The following ASB18 variants were observed in gnomAD, a reference collection of about 807,000 sequenced individuals.
ASB18 encodes ankyrin repeat and SOCS box protein 18.
Under a neutral mutation model 33.4 loss-of-function variants are expected in ASB18, and 33 were observed. The observed-to-expected ratio is 0.99, with a 90% confidence interval of 0.75 to 1.32. The LOEUF (loss-of-function observed/expected upper bound fraction) is 1.32. Ranked by LOEUF, ASB18 falls within the 40% of genes most tolerant of loss-of-function variation. The probability of loss-of-function intolerance (pLI) is 0.00; values close to 1 mark genes in which losing one functional copy is unlikely to be tolerated. For synonymous variants in ASB18, 295 were observed against 307.6 expected, an observed-to-expected ratio of 0.96 and a Z score of 0.43; for missense variants, 694 against 655.5, an observed-to-expected ratio of 1.06 and a Z score of -0.64.
In ASB18 at chr2:236,211,426, C is replaced by T. The variant is rs936724529; in HGVS notation, c.1101+2936G>A. Among the ~76,000 whole-genome samples, 4 of 152,388 alleles carry T rather than the reference C, an allele frequency of 2.6e-5. No individual in the cohort carries two copies. The highest frequency in any genetic ancestry group is 9.6e-5 in the African/African-American group (4 of 41,596). On this transcript the variant is annotated intron_variant, in intron 4 of 5. Coordinates refer to ENST00000409749, the MANE Select transcript of ASB18 (RefSeq NM_212556.4). This position sits in a 1 kb window ranked among gnomAD's most constrained non-coding sequence, Gnocchi z 5.0. Reference sequence around the variant, plus strand: ...GATGCCCTGTGTCCGCCTGCCGCGACGATGGTGCCTTTGTCTGGGCATGGG... The same window carrying T: ...GATGCCCTGTGTCCGCCTGCCGCGATGATGGTGCCTTTGTCTGGGCATGGG...
In ASB18 at chr2:236,262,300, G is replaced by C. The variant is rs1228240468; in HGVS notation, c.205+1841C>G. On this transcript the variant is annotated intron_variant, in intron 1 of 5. Transcript: ENST00000409749. The surrounding 1 kb of genome is among the most constrained non-coding windows in gnomAD (Gnocchi z 5.2). ...CAGAAAGCAGATGGCATGAGCTCAG[G>C]GCATGCTGAAGGCAGGCCGGGTTAC... 1.3e-5 allele frequency among the ~76,000 whole-genome samples: 2 copies of C among 152,192 alleles called. No individual in the cohort carries two copies. The highest frequency in any genetic ancestry group is 2.9e-5 in the Non-Finnish European group (2 of 68,038).
At position 236,257,052 on chromosome 2, in the gene ASB18, G is replaced by A. The variant is rs1201426646; in HGVS notation, c.205+7089C>T. On this transcript the variant is annotated intron_variant, in intron 1 of 5. Coordinates refer to ENST00000409749, the MANE Select transcript of ASB18 (RefSeq NM_212556.4). The surrounding 1 kb of genome is among the most constrained non-coding windows in gnomAD (Gnocchi z 5.5). Reference sequence around the variant, plus strand: ...GATAATCTGATGTTATTGTAGGAAAGTGTATTTCTAATAAATTCCACTTGA... The same window carrying A: ...GATAATCTGATGTTATTGTAGGAAAATGTATTTCTAATAAATTCCACTTGA... 6.6e-6 allele frequency among the ~76,000 whole-genome samples: 1 copy of A among 152,232 alleles called. No individual in the cohort carries two copies. The highest frequency in any genetic ancestry group is 1.5e-5 in the Non-Finnish European group (1 of 68,044).
At position 236,213,277 on chromosome 2, in the gene ASB18, G is replaced by A. The variant is rs2106268237; in HGVS notation, c.1101+1085C>T. Among the ~76,000 whole-genome samples, 1 of 151,964 alleles carries A rather than the reference G, an allele frequency of 6.6e-6. No homozygotes were observed. The highest frequency in any genetic ancestry group is 1.9e-4 in the East Asian group (1 of 5,158). ...CAAACACTAGGGGAGTTGTCTCGGG[G>A]GATTTTCTAACCTTTCAGAGGCACA... On this transcript the variant is annotated intron_variant, in intron 4 of 5. Transcript: ENST00000409749. The surrounding 1 kb of genome is among the most constrained non-coding windows in gnomAD (Gnocchi z 4.8).
At position 236,264,048 on chromosome 2, in the gene ASB18, C is replaced by T; in HGVS notation, c.205+93G>A. 1 of 1,061,894 alleles carries T rather than the reference C, an allele frequency of 9.4e-7. No homozygotes were observed. Among genetic ancestry groups the T allele is most frequent in the Non-Finnish European group, 1.4e-6 (1 of 714,870 alleles). 65.8% of individuals were successfully genotyped at this position (1,061,894 alleles called of 1,614,324 possible). On this transcript the variant is annotated intron_variant, in intron 1 of 5. Coordinates refer to ENST00000409749, the MANE Select transcript of ASB18 (RefSeq NM_212556.4). This position sits in a 1 kb window ranked among gnomAD's most constrained non-coding sequence, Gnocchi z 5.1. ...TCCGAGTACATATCATTTACTTTTT[C>T]CAAACATTTGCCCCTCTACCTCCAG...
In ASB18 at chr2:236,220,539, C is replaced by T. The variant is rs2060505998; in HGVS notation, c.597-5673G>A. On this transcript the variant is annotated intron_variant, in intron 3 of 5. Coordinates refer to ENST00000409749, the MANE Select transcript of ASB18 (RefSeq NM_212556.4). The surrounding 1 kb of genome is among the most constrained non-coding windows in gnomAD (Gnocchi z 5.1). ...TCTGAACTGAAAGGTCTTTTGGATT[C>T]CCCAGTACTTGGCCTTTTTTTTTTT... 6.7e-6 allele frequency among the ~76,000 whole-genome samples: 1 copy of T among 148,156 alleles called. No homozygotes were observed. The highest frequency in any genetic ancestry group is 1.5e-5 in the Non-Finnish European group (1 of 67,888).
At chr2:236,202,395 G>GTTTT (rs3033899) in intron 4 of ASB18, among the ~76,000 whole-genome samples, 25,945 of 151,522 alleles carry the variant, frequency 0.17, 2,222 homozygotes, top group South Asian at 0.25. Context: ...TATTCTTTTT[G>GTTTT]TTTTCTGCTT....
rs1396783632 is a variant in ASB18 at position 236,196,229 on chromosome 2, A to G, written c.1215+43T>C. 8.7e-7 allele frequency: 1 copy of G among 1,152,686 alleles called. No homozygotes were observed. The highest frequency in any genetic ancestry group is 1.5e-5 in the African/African-American group (1 of 65,374). 71.4% of individuals were successfully genotyped at this position (1,152,686 alleles called of 1,614,324 possible). A position where few individuals can be genotyped will look rare whatever the true frequency, so the allele number is the denominator to read the frequency against. On this transcript the variant is annotated intron_variant, in intron 5 of 5. Coordinates refer to ENST00000409749, the MANE Select transcript of ASB18 (RefSeq NM_212556.4). The surrounding 1 kb of genome is among the most constrained non-coding windows in gnomAD (Gnocchi z 5.6). ...CCCATGCAAAGAAGCAAAAACAGAC[A>G]AAAGTTTTGTACTAAAGATGGGCAG...
At chr2:236,199,517 T>C (rs1482057823) in intron 4 of ASB18, among the ~76,000 whole-genome samples, 1 of 149,824 alleles carries the variant, frequency 6.7e-6, no homozygotes, top group Non-Finnish European at 1.5e-5. Flanking sequence ...ACATATTATA[T>C]ATAAAAATAT....
chr2:236,206,450 G>A (rs888313929), intron 4 of ASB18, among the ~76,000 whole-genome samples: 1 of 152,188 alleles, frequency 6.6e-6, no homozygotes, highest in African/African-American at 2.4e-5. Flanking sequence ...TTGTGACCAT[G>A]AGGGAGGCAT....
rs2060536936 is a variant in ASB18 at position 236,226,238 on chromosome 2, C to T, written c.597-11372G>A. On this transcript the variant is annotated intron_variant, in intron 3 of 5. Coordinates refer to ENST00000409749, the MANE Select transcript of ASB18 (RefSeq NM_212556.4). The surrounding 1 kb of genome is among the most constrained non-coding windows in gnomAD (Gnocchi z 4.8). ...TTCAATGGGACCTGCCAGCATATTCCATTATCATCATTGATATTGAAGGGA... is the reference window on the plus strand; with the variant it reads ...TTCAATGGGACCTGCCAGCATATTCTATTATCATCATTGATATTGAAGGGA... 2.0e-5 allele frequency among the ~76,000 whole-genome samples: 3 copies of T among 152,116 alleles called. No individual in the cohort carries two copies. Among genetic ancestry groups the T allele is most frequent in the South Asian group, 4.2e-4 (2 of 4,804 alleles).
In ASB18 at chr2:236,252,227, C is replaced by T. The variant is rs368506548; in HGVS notation, c.206-10825G>A. Among the ~76,000 whole-genome samples the T allele has an allele frequency of 1.4e-3, 210 of 150,668 alleles. No individual in the cohort carries two copies. The highest frequency in any genetic ancestry group is 4.9e-3 in the African/African-American group (201 of 41,220). On this transcript the variant is annotated intron_variant, in intron 1 of 5. Transcript: ENST00000409749. The surrounding 1 kb of genome is among the most constrained non-coding windows in gnomAD (Gnocchi z 7.9). Reference sequence around the variant, plus strand: ...CAGAGGTTGCAGTGAGCCAAGATTGCGCCACTGTACTCCAGCCTTGGCAAC... The same window carrying T: ...CAGAGGTTGCAGTGAGCCAAGATTGTGCCACTGTACTCCAGCCTTGGCAAC...
rs1231521310 is a variant in ASB18 at position 236,235,041 on chromosome 2, A to G, written c.596+2648T>C. On this transcript the variant is annotated intron_variant, in intron 3 of 5. Transcript: ENST00000409749. The surrounding 1 kb of genome is among the most constrained non-coding windows in gnomAD (Gnocchi z 6.2). ...CTGGCAGGTAATACTTATCAATCAC[A>G]TATCTCACAAGAGATTCATATCTAG... 3.9e-5 allele frequency among the ~76,000 whole-genome samples: 6 copies of G among 152,226 alleles called. No homozygotes were observed. The highest frequency in any genetic ancestry group is 1.2e-4 in the African/African-American group (5 of 41,460).
chr2:236,218,078 C>T (rs549979999), intron 3 of ASB18, among the ~76,000 whole-genome samples: 27 of 152,196 alleles, frequency 1.8e-4, no homozygotes, highest in East Asian at 3.9e-4. Context: ...CCCTTTTCCA[C>T]GTGCACAGCC....
chr2:236,254,561 C>T (rs987239144), intron 1 of ASB18, among the ~76,000 whole-genome samples: 2 of 151,904 alleles, frequency 1.3e-5, no homozygotes, highest in Non-Finnish European at 2.9e-5. Context: ...TTATTCTTCT[C>T]TTCTCTTTCT....
Position 236,249,145 on chromosome 2 carries a change from C to T in ASB18, c.206-7743G>A, listed in dbSNP as rs911962660. 3 of 152,192 alleles carry T rather than the reference C, an allele frequency of 2.0e-5. No homozygotes were observed. Among genetic ancestry groups the T allele is most frequent in the African/African-American group, 7.2e-5 (3 of 41,452 alleles). 9.4% of individuals were successfully genotyped at this position (152,192 alleles called of 1,614,324 possible). A position where few individuals can be genotyped will look rare whatever the true frequency, so the allele number is the denominator to read the frequency against. ...GTCAGACAGATGTCCATTTAAGTTC[C>T]CTTTCTCATTGGGACTCTTGGCTTT... On this transcript the variant is annotated intron_variant, in intron 1 of 5. Coordinates refer to ENST00000409749, the MANE Select transcript of ASB18 (RefSeq NM_212556.4). This position sits in a 1 kb window ranked among gnomAD's most constrained non-coding sequence, Gnocchi z 4.6.
At position 236,260,553 on chromosome 2, in the gene ASB18, A is replaced by T. The variant is rs769570679; in HGVS notation, c.205+3588T>A. Among the ~76,000 whole-genome samples the T allele has an allele frequency of 5.9e-5, 9 of 152,162 alleles. No individual in the cohort carries two copies. Among genetic ancestry groups the T allele is most frequent in the Non-Finnish European group, 1.3e-4 (9 of 68,028 alleles). On this transcript the variant is annotated intron_variant, in intron 1 of 5. Coordinates refer to ENST00000409749, the MANE Select transcript of ASB18 (RefSeq NM_212556.4). This position sits in a 1 kb window ranked among gnomAD's most constrained non-coding sequence, Gnocchi z 5.1. Reference sequence around the variant, plus strand: ...AACTCGCCCTTACCTTGAGAAAGAGAACATTTGCTCCCACAGGAAAAAGGA... The same window carrying T: ...AACTCGCCCTTACCTTGAGAAAGAGTACATTTGCTCCCACAGGAAAAAGGA...
At position 236,208,597 on chromosome 2, in the gene ASB18, CA is replaced by C. The variant is rs2060444673; in HGVS notation, c.1101+5764del. Among the ~76,000 whole-genome samples the C allele has an allele frequency of 6.6e-6, 1 of 152,100 alleles. No individual in the cohort carries two copies. The highest frequency in any genetic ancestry group is 2.4e-5 in the African/African-American group (1 of 41,396). ...TGGGAAGAGGTGCCCTCCATTAGAG[CA>C]AAAGCACCACCTCCTCCCGCCCCTC... On this transcript the variant is annotated intron_variant, in intron 4 of 5. Coordinates refer to ENST00000409749, the MANE Select transcript of ASB18 (RefSeq NM_212556.4). This position sits in a 1 kb window ranked among gnomAD's most constrained non-coding sequence, Gnocchi z 7.7.
intron 4 of ASB18, among the ~76,000 whole-genome samples, chr2:236,198,893 G>C (rs2060386533): frequency 6.6e-6 from 1 of 152,004 alleles, no homozygotes; most frequent in Admixed American, 6.6e-5. Context: ...ACTGGCTAGA[G>C]CTTTTCAGTT....
In ASB18 at chr2:236,213,353, G is replaced by A. The variant is rs1410808552; in HGVS notation, c.1101+1009C>T. On this transcript the variant is annotated intron_variant, in intron 4 of 5. Transcript: ENST00000409749. The surrounding 1 kb of genome is among the most constrained non-coding windows in gnomAD (Gnocchi z 4.8). ...GAAAGTTAGCATTTGAGAGAAATGA[G>A]TGAATCTCACTTCTCGATGGTTCAG... is the stretch of plus-strand genomic sequence containing the variant. 6.6e-6 allele frequency among the ~76,000 whole-genome samples: 1 copy of A among 152,134 alleles called. No individual in the cohort carries two copies. The highest frequency in any genetic ancestry group is 2.4e-5 in the African/African-American group (1 of 41,412).
Sources: gnomAD v4.1 joint callset for allele counts (sites outside exome capture counted in the v4.1 genomes callset) on GRCh38, gnomAD v4.1.1 for gene constraint, Gnocchi (gnomAD v3.1) non-coding constraint, MANE v1.5 for transcripts, NCBI Gene and HGNC (gene_info 2026-07-23, HGNC 2026-07-21) for gene names.